Variants in RARB observed in about 807,000 individuals in gnomAD.
The protein encoded by RARB is HBV-activated protein.
A neutral mutation model predicts 51.9 loss-of-function variants in RARB; 17 were observed. The ratio of observed to expected loss-of-function variants is 0.33; its 90% CI spans 0.22 to 0.49. RARB has a LOEUF of 0.49. Ranked by LOEUF, RARB falls within the 20% of genes least tolerant of loss-of-function variation. The pLI, the probability that RARB is intolerant of heterozygous loss-of-function variation, is 0.99. For synonymous variants in RARB, 215 were observed against 195.4 expected, an observed-to-expected ratio of 1.10 and a Z score of -0.84; for missense variants, 369 against 550.8, an observed-to-expected ratio of 0.67 and a Z score of 3.30.
At chr3:25,116,380 G>A (rs1173710897) in intron 3 of RARB, among the ~76,000 whole-genome samples, 4 of 151,828 alleles carry the variant, frequency 2.6e-5, no homozygotes, top group Non-Finnish European at 5.9e-5. Context: ...TGCAAGTCAT[G>A]ACCTAAGTAA....
chr3:25,425,585 C>A (rs1707966666), upstream of RARB, among the ~76,000 whole-genome samples: 1 of 152,086 alleles, frequency 6.6e-6, no homozygotes, highest in African/African-American at 2.4e-5. Flanking sequence ...TTTCAAGGCC[C>A]AAGTTCATTT....
chr3:25,499,972 C>G (rs1227505372), intron 2 of RARB, among the ~76,000 whole-genome samples: 1 of 152,172 alleles, frequency 6.6e-6, no homozygotes, highest in Non-Finnish European at 1.5e-5. Flanking sequence ...GAATCTGGGT[C>G]CAATCAATAG....
chr3:25,271,792 T>C (rs1360334832), intron 5 of RARB, among the ~76,000 whole-genome samples: 1 of 152,226 alleles, frequency 6.6e-6, no homozygotes, highest in Non-Finnish European at 1.5e-5. Flanking sequence ...ACCTTTATTG[T>C]CAAAAACCAT....
chr3:24,987,225 C>T (rs916526190), intron 2 of RARB, among the ~76,000 whole-genome samples: 1 of 143,456 alleles, frequency 7.0e-6, no homozygotes, highest in Non-Finnish European at 1.5e-5. Context: ...GGGCTTCAAT[C>T]TGTATTTCAA....
intron 1 of RARB, 126 bp from the exon 2 acceptor site, chr3:25,461,067 A>G: frequency 3.6e-6 from 4 of 1,111,238 alleles, no homozygotes; most frequent in South Asian, 1.7e-5. Flanking sequence ...AGCTGTTTTT[A>G]TGAGCCCATT....
intron 5 of RARB, among the ~76,000 whole-genome samples, chr3:25,374,814 G>C (rs936627977): frequency 1.3e-5 from 2 of 152,070 alleles, no homozygotes; most frequent in Admixed American, 6.5e-5. Flanking sequence ...TTTCTTCAGG[G>C]CTAATGATTT....
chr3:25,005,475 T>C (rs1389590975), intron 2 of RARB, among the ~76,000 whole-genome samples: 1 of 152,132 alleles, frequency 6.6e-6, no homozygotes, highest in African/African-American at 2.4e-5. Context: ...TTAGTGCTGA[T>C]TGTAGGCAGA....
intron 3 of RARB, among the ~76,000 whole-genome samples, chr3:25,568,741 G>T (rs1401543760): frequency 6.6e-6 from 1 of 152,192 alleles, no homozygotes; most frequent in Admixed American, 6.5e-5. Context: ...AGATTCCCAG[G>T]TCACAGTGGT....
intron 5 of RARB, among the ~76,000 whole-genome samples, chr3:25,301,902 C>A (rs1448786945): frequency 6.6e-6 from 1 of 152,116 alleles, no homozygotes; most frequent in African/African-American, 2.4e-5. Flanking sequence ...ATAGCAGAGG[C>A]CCAAGTAATT....
chr3:25,083,824 G>A (rs1699055654), intron 3 of RARB, among the ~76,000 whole-genome samples: 1 of 152,042 alleles, frequency 6.6e-6, no homozygotes, highest in African/African-American at 2.4e-5. Flanking sequence ...TTGGTTTTAG[G>A]CTTTGTTGGG....
intron 4 of RARB, among the ~76,000 whole-genome samples, chr3:25,154,179 T>C (rs1038695465): frequency 6.6e-6 from 1 of 152,208 alleles, no homozygotes; most frequent in Non-Finnish European, 1.5e-5. Flanking sequence ...ATTTGACTTG[T>C]TTTCACATCA....
chr3:25,105,194 A>G (rs1451167982), intron 3 of RARB, among the ~76,000 whole-genome samples: 1 of 152,024 alleles, frequency 6.6e-6, no homozygotes, highest in Non-Finnish European at 1.5e-5. Flanking sequence ...AGTTTATACC[A>G]CATACAAATA....
In RARB at chr3:25,453,170, G is replaced by A. The variant is rs376291674; in HGVS notation, c.158-8023G>A. On this transcript the variant is annotated intron_variant, in intron 1 of 7. Transcript: ENST00000330688. ...TAGGGTGTCTCAGACATCAATGTGC[G>A]TAAAAATGATCAAGGGGTCTTGTTA... Among the ~76,000 whole-genome samples, 42 of 151,438 alleles carry A rather than the reference G, an allele frequency of 2.8e-4. 1 individual carries two copies. The highest frequency in any genetic ancestry group is 1.8e-3 in the Admixed American group (28 of 15,218).
intron 2 of RARB, among the ~76,000 whole-genome samples, chr3:24,885,743 T>C (rs1703255353): frequency 6.6e-6 from 1 of 152,114 alleles, no homozygotes; most frequent in Admixed American, 6.6e-5. Flanking sequence ...TGAAGAAAAT[T>C]CTCTTTAAAG....
chr3:25,521,104 A>G (rs1698382963), intron 3 of RARB, among the ~76,000 whole-genome samples: 1 of 152,218 alleles, frequency 6.6e-6, no homozygotes, highest in Non-Finnish European at 1.5e-5. Context: ...GAGCCTTCAG[A>G]GCAACCTATG....
chr3:25,010,138 C>T (rs1399770960), intron 2 of RARB, among the ~76,000 whole-genome samples: 1 of 128,944 alleles, frequency 7.8e-6, no homozygotes, highest in Non-Finnish European at 1.5e-5. Flanking sequence ...TTTTTTTATA[C>T]CGAGGCCAGG....
chr3:25,242,131 T>C (rs900130916), intron 5 of RARB, among the ~76,000 whole-genome samples: 2 of 152,180 alleles, frequency 1.3e-5, no homozygotes, highest in Admixed American at 1.3e-4. Context: ...TCTGTTCATA[T>C]CCTTCCCCCA....
chr3:25,523,664 C>T (rs545405702), intron 3 of RARB, among the ~76,000 whole-genome samples: 2 of 152,286 alleles, frequency 1.3e-5, no homozygotes, highest in Admixed American at 1.3e-4. Flanking sequence ...ACCCCACATA[C>T]TTTATGTGGT....
intron 2 of RARB, among the ~76,000 whole-genome samples, chr3:25,023,583 A>G (rs1017874952): frequency 6.6e-6 from 1 of 152,076 alleles, no homozygotes; most frequent in Non-Finnish European, 1.5e-5. Flanking sequence ...TACCAATCAA[A>G]ACTAGAATTT....
Sources: gnomAD v4.1 joint callset for allele counts (sites outside exome capture counted in the v4.1 genomes callset) on GRCh38, gnomAD v4.1.1 for gene constraint, MANE v1.5 for transcripts, NCBI Gene and HGNC (gene_info 2026-07-23, HGNC 2026-07-21) for gene names.